Variants in FAM81A observed in about 807,000 individuals in gnomAD.
FAM81A encodes the protein protein FAM81A.
Under a neutral mutation model 46.7 loss-of-function variants are expected in FAM81A, and 19 were observed. That is an observed-to-expected ratio of 0.41 (90% CI 0.28 to 0.60). The LOEUF (loss-of-function observed/expected upper bound fraction) is 0.60. Ranked by LOEUF, FAM81A falls within the 20% of genes least tolerant of loss-of-function variation. The pLI, the probability that FAM81A is intolerant of heterozygous loss-of-function variation, is 0.34. For missense variants in FAM81A, 377 were observed against 453.5 expected (o/e 0.83, Z 1.53); for synonymous variants, 183 against 152.9 (o/e 1.20, Z -1.45).
intron 2 of FAM81A, among the ~76,000 whole-genome samples, chr15:59,405,247 ATTTGG>A (rs2081089052): frequency 6.6e-6 from 1 of 152,140 alleles, no homozygotes; most frequent in Admixed American, 6.5e-5. Context: ...GAGAGCAGGA[ATTTGG>A]TAATGTATGT....
At chr15:59,401,808 T>C in intron 1 of FAM81A, 1 of 741,324 alleles carries the variant, frequency 1.3e-6, no homozygotes, top group Non-Finnish European at 2.5e-6. Context: ...TTCATGCATC[T>C]TGATAGTCTT....
chr15:59,502,606 T>C (rs2082105918), intron 4 of FAM81A, among the ~76,000 whole-genome samples: 2 of 151,564 alleles, frequency 1.3e-5, no homozygotes, highest in Admixed American at 6.6e-5. Flanking sequence ...CTCTGCCTCC[T>C]GGGTTCAAGC....
intron 3 of FAM81A, among the ~76,000 whole-genome samples, chr15:59,488,266 C>T (rs752903701): frequency 6.6e-6 from 1 of 152,124 alleles, no homozygotes; most frequent in Non-Finnish European, 1.5e-5. Flanking sequence ...ACAAGGAACA[C>T]ATCTCAACAT....
intron 2 of FAM81A, among the ~76,000 whole-genome samples, chr15:59,459,444 G>A (rs1381916579): frequency 6.6e-6 from 1 of 152,208 alleles, no homozygotes; most frequent in Non-Finnish European, 1.5e-5. Flanking sequence ...GGGTGGAGCA[G>A]AACTGTGGCT....
chr15:59,406,695 C>T (rs906647488), intron 2 of FAM81A, among the ~76,000 whole-genome samples: 1 of 152,142 alleles, frequency 6.6e-6, no homozygotes, highest in African/African-American at 2.4e-5. Flanking sequence ...CGCTGATCTA[C>T]TTTCTGTCTC....
chr15:59,473,634 G>A (rs1433092442), intron 3 of FAM81A, among the ~76,000 whole-genome samples: 6 of 152,084 alleles, frequency 3.9e-5, no homozygotes, highest in Non-Finnish European at 8.8e-5. Context: ...CGGGGGTGGG[G>A]GAAGACTAGA....
At chr15:59,427,219 T>C (rs550347841) in intron 2 of FAM81A, among the ~76,000 whole-genome samples, 6 of 152,314 alleles carry the variant, frequency 3.9e-5, no homozygotes, top group African/African-American at 1.4e-4. Context: ...CAAGTGATTC[T>C]CCTGCTTCAG....
chr15:59,411,381 A>G (rs78895858), intron 2 of FAM81A, among the ~76,000 whole-genome samples: 317 of 152,308 alleles, frequency 2.1e-3, no homozygotes, highest in Non-Finnish European at 3.5e-3. Context: ...GCATCTTCCA[A>G]TAGAGATCAC....
chr15:59,410,802 G>C (rs966925061), intron 2 of FAM81A, among the ~76,000 whole-genome samples: 1 of 152,222 alleles, frequency 6.6e-6, no homozygotes. Context: ...ATTGTGCAGT[G>C]GCTGATCTCG....
At chr15:59,409,275 T>C (rs1005098892) in intron 2 of FAM81A, among the ~76,000 whole-genome samples, 1 of 152,154 alleles carries the variant, frequency 6.6e-6, no homozygotes, top group Non-Finnish European at 1.5e-5. Context: ...GACTCTCCAT[T>C]ATGCCCGAAG....
At chr15:59,452,961 C>T (rs1295073349) in intron 1 of FAM81A, among the ~76,000 whole-genome samples, 1 of 152,150 alleles carries the variant, frequency 6.6e-6, no homozygotes, top group East Asian at 1.9e-4. Context: ...TAGGATTTTG[C>T]TGTGTTGCCC....
At chr15:59,433,580 A>G (rs369890312), upstream of FAM81A, among the ~76,000 whole-genome samples, 3 of 152,250 alleles carry the variant, frequency 2.0e-5, no homozygotes, top group South Asian at 6.2e-4. Context: ...AAAAATTACT[A>G]GCAAAAACAA....
At chr15:59,444,739 C>T (rs1187012870) in intron 1 of FAM81A, among the ~76,000 whole-genome samples, 2 of 152,138 alleles carry the variant, frequency 1.3e-5, no homozygotes. Context: ...CTACTGTCCT[C>T]CCTCTCCCTA....
intron 2 of FAM81A, among the ~76,000 whole-genome samples, chr15:59,409,430 T>G (rs2081110907): frequency 6.6e-6 from 1 of 152,186 alleles, no homozygotes; most frequent in Non-Finnish European, 1.5e-5. Flanking sequence ...ACTTCATGCT[T>G]CATGACCATG....
At chr15:59,461,970 G>A (rs1422121656) in intron 3 of FAM81A, among the ~76,000 whole-genome samples, 3 of 152,176 alleles carry the variant, frequency 2.0e-5, no homozygotes, top group African/African-American at 4.8e-5. Flanking sequence ...TAAGGAGGCC[G>A]AGGCAGGTGG....
intron 1 of FAM81A, among the ~76,000 whole-genome samples, chr15:59,453,772 G>A (rs1256324167): frequency 2.0e-5 from 3 of 152,064 alleles, no homozygotes; most frequent in Non-Finnish European, 4.4e-5. Context: ...GCAGGGAGAA[G>A]GTAAGGGAGA....
intron 4 of FAM81A, among the ~76,000 whole-genome samples, chr15:59,498,126 A>C (rs1486889522): frequency 6.6e-6 from 1 of 152,246 alleles, no homozygotes; most frequent in Non-Finnish European, 1.5e-5. Context: ...TTGGGATTAC[A>C]GGTGTTAGTC....
chr15:59,502,485 CTGTGTGTGTGTGTGTG>C (rs71119478), intron 4 of FAM81A, among the ~76,000 whole-genome samples: 40 of 138,280 alleles, frequency 2.9e-4, no homozygotes, highest in South Asian at 1.8e-3. Flanking sequence ...GTTGACTTCA[CTGTGTGTGTGTGTGTG>C]TGTGTGTGTG....
At chr15:59,421,875 C>CTATG (rs1387353863) in intron 2 of FAM81A, among the ~76,000 whole-genome samples, 1 of 43,116 alleles carries the variant, frequency 2.3e-5, no homozygotes, top group African/African-American at 1.3e-4. Context: ...AACCCTCTAT[C>CTATG]TATCTATCTA....
Sources: gnomAD v4.1 joint callset for allele counts (sites outside exome capture counted in the v4.1 genomes callset) on GRCh38, gnomAD v4.1.1 for gene constraint, MANE v1.5 for transcripts, NCBI Gene and HGNC (gene_info 2026-07-23, HGNC 2026-07-21) for gene names.